The following CSMD1 variants were observed in gnomAD, a reference collection of about 807,000 sequenced individuals.
CSMD1 encodes the protein CUB and sushi domain-containing protein 1.
CSMD1 carries 213 observed loss-of-function variants against 417.5 expected under a neutral mutation model. The ratio of observed to expected loss-of-function variants is 0.51; its 90% CI spans 0.46 to 0.57. The LOEUF is 0.57. Among genes scored for constraint, CSMD1 ranks in the 20% least tolerant of loss-of-function variants. The probability of loss-of-function intolerance (pLI) is 0.00; values close to 1 mark genes in which losing one functional copy is unlikely to be tolerated. For synonymous variants in CSMD1, 2,862 were observed against 1,736.8 expected (o/e 1.65, Z -16.11); for missense variants, 6,923 against 4,529.7 (o/e 1.53, Z -15.17).
intron 50 of CSMD1, among the ~76,000 whole-genome samples, chr8:3,037,288 C>T (rs11993524): frequency 0.078 from 11,376 of 146,786 alleles, 1,553 homozygotes; most frequent in African/African-American, 0.27. Context: ...TCACTGCAAG[C>T]TCCGCCTCCT....
intron 35 of CSMD1, 88 bp from the exon 36 acceptor site, chr8:3,188,053 A>G: frequency 1.4e-6 from 1 of 720,938 alleles, no homozygotes; most frequent in Non-Finnish European, 2.3e-6. Context: ...TTTCATGATT[A>G]AGGTGTATAT....
chr8:4,108,995 G>A (rs912688953), intron 3 of CSMD1, among the ~76,000 whole-genome samples: 6 of 152,178 alleles, frequency 3.9e-5, no homozygotes, highest in Non-Finnish European at 8.8e-5. Flanking sequence ...TATCTGGAAA[G>A]GATTGGTTTC....
At chr8:4,781,925 A>G (rs1306763838) in intron 1 of CSMD1, among the ~76,000 whole-genome samples, 1 of 152,246 alleles carries the variant, frequency 6.6e-6, no homozygotes, top group Non-Finnish European at 1.5e-5. Context: ...ATCAAGACTT[A>G]CAAAAAGCTC....
At chr8:3,679,862 G>A (rs1417397760) in intron 7 of CSMD1, among the ~76,000 whole-genome samples, 2 of 152,086 alleles carry the variant, frequency 1.3e-5, no homozygotes, top group African/African-American at 4.8e-5. Flanking sequence ...AATCAAACAA[G>A]AACTCAGGAT....
At chr8:3,605,909 C>T (rs532260922) in intron 8 of CSMD1, among the ~76,000 whole-genome samples, 1 of 152,090 alleles carries the variant, frequency 6.6e-6, no homozygotes, top group Non-Finnish European at 1.5e-5. Flanking sequence ...AGGTTATGTC[C>T]ATATATCCCT....
At chr8:3,854,027 TATTA>T (rs1804115095) in intron 5 of CSMD1, among the ~76,000 whole-genome samples, 1 of 146,206 alleles carries the variant, frequency 6.8e-6, no homozygotes, top group South Asian at 2.1e-4. Flanking sequence ...ATTATAAATA[TATTA>T]AATATAATAT....
chr8:3,724,690 A>T (rs1802386297), intron 6 of CSMD1, among the ~76,000 whole-genome samples: 1 of 152,192 alleles, frequency 6.6e-6, no homozygotes, highest in Admixed American at 6.5e-5. Context: ...ATGAAATTAA[A>T]TAGGAAAAGA....
intron 3 of CSMD1, among the ~76,000 whole-genome samples, chr8:4,205,655 C>A (rs542144165): frequency 3.3e-5 from 5 of 152,266 alleles, no homozygotes; most frequent in Admixed American, 1.3e-4. Context: ...CTCATTGTAA[C>A]GGCTGTTGTG....
intron 3 of CSMD1, among the ~76,000 whole-genome samples, chr8:4,130,818 T>C (rs958235968): frequency 1.3e-5 from 2 of 151,698 alleles, no homozygotes; most frequent in African/African-American, 4.8e-5. Flanking sequence ...TTTGTATATA[T>C]AATATTGTAC....
chr8:4,008,852 C>A (rs962694349), intron 4 of CSMD1, among the ~76,000 whole-genome samples: 15 of 151,898 alleles, frequency 9.9e-5, no homozygotes, highest in African/African-American at 3.1e-4. Flanking sequence ...CCTCCTGATC[C>A]GTCCGCCTCG....
At chr8:4,132,169 T>G (rs1803148215) in intron 3 of CSMD1, among the ~76,000 whole-genome samples, 1 of 151,402 alleles carries the variant, frequency 6.6e-6, no homozygotes, top group Non-Finnish European at 1.5e-5. Flanking sequence ...CCTGTTTGTT[T>G]ATGCGGGTAA....
At chr8:4,907,580 G>A (rs546096024) in intron 1 of CSMD1, among the ~76,000 whole-genome samples, 2 of 152,112 alleles carry the variant, frequency 1.3e-5, no homozygotes, top group Non-Finnish European at 2.9e-5. Context: ...GGTTTTTTGA[G>A]ACAGGTTTTC....
chr8:4,700,824 A>T (rs1363429684), intron 1 of CSMD1, among the ~76,000 whole-genome samples: 2 of 152,220 alleles, frequency 1.3e-5, no homozygotes, highest in East Asian at 3.9e-4. Flanking sequence ...GAGCATGAAA[A>T]AAAGGTAACA....
chr8:4,801,369 A>G (rs1426787399), intron 1 of CSMD1, among the ~76,000 whole-genome samples: 1 of 152,082 alleles, frequency 6.6e-6, no homozygotes, highest in African/African-American at 2.4e-5. Context: ...AGAACCCAGT[A>G]CTGAGCAGAT....
intron 1 of CSMD1, among the ~76,000 whole-genome samples, chr8:4,769,128 T>C (rs1796479254): frequency 6.6e-6 from 1 of 152,228 alleles, no homozygotes; most frequent in Non-Finnish European, 1.5e-5. Flanking sequence ...ACTTGCTCTA[T>C]GACCTTGACC....
At chr8:4,977,085 G>C (rs78223764) in intron 1 of CSMD1, among the ~76,000 whole-genome samples, 2 of 152,052 alleles carry the variant, frequency 1.3e-5, no homozygotes, top group African/African-American at 4.8e-5. Context: ...TTATATTGGC[G>C]TTTCTCTCAA....
intron 49 of CSMD1, among the ~76,000 whole-genome samples, chr8:3,054,719 G>A (rs1261148351): frequency 6.6e-6 from 1 of 152,224 alleles, no homozygotes; most frequent in Admixed American, 6.5e-5. Context: ...GTGTACATGT[G>A]TGTAGTACAT....
chr8:3,072,773 T>C (rs1813404776), intron 49 of CSMD1, among the ~76,000 whole-genome samples: 1 of 152,188 alleles, frequency 6.6e-6, no homozygotes, highest in South Asian at 2.1e-4. Flanking sequence ...CATAGCATCG[T>C]ATTGGTTAGC....
chr8:3,393,212 G>A (rs543316864), intron 17 of CSMD1, among the ~76,000 whole-genome samples: 1 of 152,306 alleles, frequency 6.6e-6, no homozygotes, highest in South Asian at 2.1e-4. Context: ...AAGTCTAGAT[G>A]TGTGTTTAGA....
Sources: allele counts gnomAD v4.1 joint callset (sites outside exome capture counted in the v4.1 genomes callset), GRCh38; gene constraint gnomAD v4.1.1; transcripts MANE v1.5; gene names NCBI Gene and HGNC (gene_info 2026-07-23, HGNC 2026-07-21).